ADAMTSL1: variants seen among roughly 807,000 people sequenced by gnomAD.
The protein encoded by ADAMTSL1 is ADAMTS-like protein 1.
ADAMTSL1 carries 126 observed loss-of-function variants against 201.8 expected under a neutral mutation model. The ratio of observed to expected loss-of-function variants is 0.62; its 90% CI spans 0.54 to 0.72. The LOEUF (loss-of-function observed/expected upper bound fraction) is 0.72. Among genes scored for constraint, ADAMTSL1 ranks in the 30% least tolerant of loss-of-function variants. The probability of loss-of-function intolerance (pLI) is 0.00; values close to 1 mark genes in which losing one functional copy is unlikely to be tolerated. For missense variants in ADAMTSL1, 2,679 were observed against 2,277.8 expected (o/e 1.18, Z -3.59); for synonymous variants, 1,121 against 903.4 (o/e 1.24, Z -4.32).
At chr9:18,163,725 A>G (rs1219741687) in intron 1 of ADAMTSL1, 1 of 152,100 alleles carries the variant, frequency 6.6e-6, no homozygotes, top group Non-Finnish European at 1.5e-5. Flanking sequence ...TCGCATTAAT[A>G]TGTATTTGCG....
At chr9:18,151,695 A>C (rs73645731) in intron 1 of ADAMTSL1, among the ~76,000 whole-genome samples, 1 of 152,188 alleles carries the variant, frequency 6.6e-6, no homozygotes, top group Non-Finnish European at 1.5e-5. Context: ...CATAGTAAGA[A>C]AGGTAAGATG....
chr9:18,066,883 G>A (rs559921352), intron 1 of ADAMTSL1, among the ~76,000 whole-genome samples: 15 of 152,166 alleles, frequency 9.9e-5, no homozygotes, highest in Middle Eastern at 3.4e-3. Flanking sequence ...AAACTATTGC[G>A]AGAACAAAAA....
intron 1 of ADAMTSL1, among the ~76,000 whole-genome samples, chr9:18,120,888 T>G (rs1825466986): frequency 6.6e-6 from 1 of 152,180 alleles, no homozygotes; most frequent in South Asian, 2.1e-4. Flanking sequence ...TAATGTTTGA[T>G]GCTGAATCTC....
At chr9:18,792,889 AAACT>A (rs1490067240) in intron 19 of ADAMTSL1, among the ~76,000 whole-genome samples, 2 of 152,234 alleles carry the variant, frequency 1.3e-5, no homozygotes, top group Admixed American at 6.5e-5. Flanking sequence ...TCTTCGAAAT[AAACT>A]AACATGTAAT....
chr9:18,890,640 G>A (rs552127056), intron 25 of ADAMTSL1: 8 of 455,884 alleles, frequency 1.8e-5, no homozygotes, highest in East Asian at 6.9e-5. Flanking sequence ...ACTTGCTGAC[G>A]GGAAGGTTTC....
chr9:18,871,940 C>A (rs909141320), intron 23 of ADAMTSL1, among the ~76,000 whole-genome samples: 2 of 152,178 alleles, frequency 1.3e-5, no homozygotes, highest in Non-Finnish European at 2.9e-5. Flanking sequence ...TCCCAAAAGA[C>A]CAGATTCTGG....
intron 2 of ADAMTSL1, among the ~76,000 whole-genome samples, chr9:18,436,177 A>C (rs189391789): frequency 6.6e-6 from 1 of 152,256 alleles, no homozygotes; most frequent in Non-Finnish European, 1.5e-5. Context: ...CTAGGGGGAA[A>C]TAAGGGCAGA....
intron 1 of ADAMTSL1, among the ~76,000 whole-genome samples, chr9:17,914,479 TGC>T (rs1472450315): frequency 5.9e-5 from 9 of 152,278 alleles, no homozygotes; most frequent in South Asian, 4.1e-4. Context: ...CAACCCTTCA[TGC>T]TAAAAACTCT....
chr9:18,756,494 C>T (rs1430330382), intron 16 of ADAMTSL1, among the ~76,000 whole-genome samples: 2 of 152,092 alleles, frequency 1.3e-5, no homozygotes, highest in South Asian at 4.2e-4. Context: ...TTCAGGGATC[C>T]CTAGGCTAGT....
At chr9:18,156,108 G>A (rs1056007469) in intron 1 of ADAMTSL1, among the ~76,000 whole-genome samples, 4 of 152,008 alleles carry the variant, frequency 2.6e-5, no homozygotes, top group Non-Finnish European at 5.9e-5. Flanking sequence ...AGAGAGCTCT[G>A]CCTTTCTCAA....
intron 8 of ADAMTSL1, among the ~76,000 whole-genome samples, chr9:18,658,187 G>A (rs1382475770): frequency 6.6e-6 from 1 of 152,136 alleles, no homozygotes; most frequent in Non-Finnish European, 1.5e-5. Context: ...TGTTAGCCAG[G>A]ATAGTCTCGA....
Position 17,911,004 on chromosome 9 carries a change from CTG to C in ADAMTSL1, c.87+4085_87+4086del, listed in dbSNP as rs1825889550. On this transcript the variant is annotated intron_variant, in intron 1 of 29. Coordinates refer to the ADAMTSL1 transcript ENST00000680146. ...ATACTGTAGCTATAGTGAAAGGAGA[CTG>C]TGCAGTCAAGAGCTTTTGCTACCCA... Among the ~76,000 whole-genome samples, 2 of 67,440 alleles carry C rather than the reference CTG, an allele frequency of 3.0e-5. 1 individual carries two copies. Among genetic ancestry groups the C allele is most frequent in the Non-Finnish European group, 9.1e-5 (2 of 21,906 alleles). The allele number at this position is 67,440 out of a possible 152,430, so 44.2% of individuals were successfully genotyped here. A position where few individuals can be genotyped will look rare whatever the true frequency, so the allele number is the denominator to read the frequency against.
chr9:18,224,098 A>G (rs768877262), intron 2 of ADAMTSL1, among the ~76,000 whole-genome samples: 4 of 151,906 alleles, frequency 2.6e-5, no homozygotes, highest in Admixed American at 1.3e-4. Context: ...GAAGCCAGAG[A>G]TTTTTCCTGC....
chr9:18,596,364 C>A (rs757750161), intron 4 of ADAMTSL1, among the ~76,000 whole-genome samples: 2 of 152,166 alleles, frequency 1.3e-5, no homozygotes, highest in Non-Finnish European at 2.9e-5. Flanking sequence ...AGCTTCTGAT[C>A]TTACTATCTG....
rs146470302 is a variant in ADAMTSL1 at position 18,906,209 on chromosome 9, G to A, written c.4961+318G>A. 6.2e-3 allele frequency among the ~76,000 whole-genome samples: 945 copies of A among 152,308 alleles called. 11 individuals carry two copies. The highest frequency in any genetic ancestry group is 0.021 in the African/African-American group (882 of 41,564). ...GTGGTCAGGAGGTGAGGTCTGCACA[G>A]CGGCCACCAAGTCTCAAAGGCTCAA... On this transcript the variant is annotated intron_variant, in intron 27 of 28. Transcript: ENST00000380548.
At chr9:18,228,443 C>T (rs1286388636) in intron 2 of ADAMTSL1, among the ~76,000 whole-genome samples, 3 of 152,054 alleles carry the variant, frequency 2.0e-5, no homozygotes, top group South Asian at 4.1e-4. Context: ...GGTTGATTGA[C>T]AGGGTTTTGC....
At chr9:18,774,115 C>CA (rs1820845568) in intron 17 of ADAMTSL1, among the ~76,000 whole-genome samples, 1 of 152,108 alleles carries the variant, frequency 6.6e-6, no homozygotes, top group Non-Finnish European at 1.5e-5. Context: ...GGCACACTCC[C>CA]ACAGCCCTCA....
chr9:18,496,794 T>A (rs1232322208), intron 1 of ADAMTSL1, among the ~76,000 whole-genome samples: 1 of 152,202 alleles, frequency 6.6e-6, no homozygotes, highest in Non-Finnish European at 1.5e-5. Flanking sequence ...CTACAGATGG[T>A]TTGTAAATTC....
intron 1 of ADAMTSL1, among the ~76,000 whole-genome samples, chr9:18,504,117 A>G (rs1021088598): frequency 6.6e-6 from 1 of 152,146 alleles, no homozygotes; most frequent in Non-Finnish European, 1.5e-5. Flanking sequence ...ACTTGTACCC[A>G]AACTCAGATA....
Sources: gnomAD v4.1 joint callset for allele counts (sites outside exome capture counted in the v4.1 genomes callset) on GRCh38, gnomAD v4.1.1 for gene constraint, MANE v1.5 for transcripts, NCBI Gene and HGNC (gene_info 2026-07-23, HGNC 2026-07-21) for gene names.